The following ABI3BP variants were observed in gnomAD, a reference collection of about 807,000 sequenced individuals.
ABI3BP encodes the protein ABI family member 3 binding protein.
ABI3BP carries 216 observed loss-of-function variants against 268.6 expected under a neutral mutation model. That is an observed-to-expected ratio of 0.80 (90% confidence interval 0.72 to 0.90). The LOEUF (loss-of-function observed/expected upper bound fraction) is 0.90, where lower values mean the gene tolerates loss of function less well. Ranked by LOEUF, ABI3BP falls within the 40% of genes least tolerant of loss-of-function variation. The pLI, the probability that ABI3BP is intolerant of heterozygous loss-of-function variation, is 0.00. For missense variants in ABI3BP, 2,090 were observed against 2,182.4 expected, an observed-to-expected ratio of 0.96 and a Z score of 0.84; for synonymous variants, 730 against 730.0, an observed-to-expected ratio of 1.00 and a Z score of 0.00.
At chr3:100,838,644 A>G (rs2098643375) in intron 24 of ABI3BP, among the ~76,000 whole-genome samples, 180 bp from the exon 25 acceptor site, 1 of 152,196 alleles carries the variant, frequency 6.6e-6, no homozygotes, top group South Asian at 2.1e-4. Context: ...TAGTTTTTCC[A>G]GAAAGGAAAA....
chr3:100,867,967 C>A (rs1280026904), intron 9 of ABI3BP, among the ~76,000 whole-genome samples: 2 of 152,120 alleles, frequency 1.3e-5, no homozygotes, highest in Admixed American at 1.3e-4. Flanking sequence ...TGTTCCCCAG[C>A]GATTATGGTA....
At chr3:100,931,897 A>G (rs2063759772) in intron 1 of ABI3BP, among the ~76,000 whole-genome samples, 1 of 152,116 alleles carries the variant, frequency 6.6e-6, no homozygotes, top group South Asian at 2.1e-4. Flanking sequence ...CAAGTAGCCA[A>G]AGCAATTCTA....
chr3:100,820,645 A>C (rs1318142707), intron 39 of ABI3BP, among the ~76,000 whole-genome samples: 4 of 152,220 alleles, frequency 2.6e-5, no homozygotes, highest in Non-Finnish European at 5.9e-5. Context: ...ATTAATGAAA[A>C]TGTCAATCAG....
intron 24 of ABI3BP, 126 bp downstream of exon 24, chr3:100,839,443 G>T: frequency 2.0e-6 from 2 of 1,018,216 alleles, no homozygotes; most frequent in South Asian, 1.4e-5. Context: ...AGACAGGAAA[G>T]GTGAGGAAAA....
chr3:100,829,812 T>C, intron 32 of ABI3BP, 148 bp from the exon 33 acceptor site: 1 of 605,566 alleles, frequency 1.7e-6, no homozygotes, highest in South Asian at 2.2e-5. Context: ...TGTCTCTTTT[T>C]ATCATGTAGC....
Position 100,780,152 on chromosome 3 carries a change from G to A in ABI3BP, c.4220C>T (p.Thr1407Ile). 1.9e-6 allele frequency: 3 copies of A among 1,612,832 alleles called. No individual in the cohort carries two copies. The highest frequency in any genetic ancestry group is 1.1e-5 in the South Asian group (1 of 91,028). ...CTTACCTGGCTTTTTAGTGGGGTGG[G>A]TAGAGTCCACTGATACATTTCTATC... ...GADRNVSVDS[T>I]HPTKKPGTRR... Residue 1407 changes from threonine (T) to isoleucine (I), a missense_variant, in exon 58 of 68, where the codon ACC becomes ATC. Coordinates refer to ENST00000471714, the MANE Select transcript of ABI3BP (RefSeq NM_001375547.2).
intron 63 of ABI3BP, among the ~76,000 whole-genome samples, chr3:100,756,342 T>C (rs1576614892): frequency 1.3e-5 from 2 of 152,334 alleles, no homozygotes; most frequent in Admixed American, 1.3e-4. Flanking sequence ...CTGACCAACA[T>C]GGAGAAACCC....
At chr3:100,842,113 CTA>C in intron 20 of ABI3BP, 74 bp from the exon 21 acceptor site, 1 of 1,280,650 alleles carries the variant, frequency 7.8e-7, no homozygotes, top group South Asian at 1.3e-5. Flanking sequence ...ATGTTCTTGA[CTA>C]TAAACGGAGT....
At chr3:100,797,436 C>G (rs555786888) in intron 51 of ABI3BP, among the ~76,000 whole-genome samples, 12 of 152,084 alleles carry the variant, frequency 7.9e-5, no homozygotes, top group African/African-American at 1.7e-4. Flanking sequence ...TCCTACCACA[C>G]TAAACCTTTC....
chr3:100,976,347 T>C (rs377253991), intron 1 of ABI3BP, among the ~76,000 whole-genome samples: 3 of 152,122 alleles, frequency 2.0e-5, no homozygotes, highest in East Asian at 1.9e-4. Context: ...GGAAATGCCA[T>C]AAAATTGTGC....
At chr3:100,932,904 T>C (rs1413112793) in intron 1 of ABI3BP, among the ~76,000 whole-genome samples, 1 of 152,032 alleles carries the variant, frequency 6.6e-6, no homozygotes, top group Admixed American at 6.6e-5. Flanking sequence ...CCCTAACACA[T>C]GGTACTCAGT....
In ABI3BP at chr3:100,831,048, T is replaced by G. The variant is rs1398315067; in HGVS notation, c.2402-414A>C. On this transcript the variant is annotated intron_variant, in intron 31 of 67. Transcript: ENST00000471714. The stretch of plus-strand genomic sequence containing the variant: ...TCAATAATGATAGATAGAATAAACA[T>G]TTACATTTGAAAGCAAACACAGTGT... 2.6e-5 allele frequency among the ~76,000 whole-genome samples: 4 copies of G among 152,160 alleles called. No homozygotes were observed. The South Asian group carries it at 8.3e-4, about 32-fold the overall frequency.
Position 100,794,957 on chromosome 3 carries a change from T to C in ABI3BP, c.3912A>G (p.Pro1304=), listed in dbSNP as rs1397045505. Residue 1304 remains proline, a synonymous_variant, in exon 54 of 68, where the codon CCA becomes CCG. Transcript: ENST00000471714. ...TCTGTAGTTCCTCTTGACTAGGACT[T>C]GGGGAAATCATGGGTATAAAAGGGA... ...RGIPFIPMIS[P]SPSQEELQTT... is the part of the protein sequence containing the mutation. 2.5e-6 allele frequency: 4 copies of C among 1,571,632 alleles called. No homozygotes were observed. Among genetic ancestry groups the C allele is most frequent in the Admixed American group, 3.7e-5 (2 of 53,720 alleles).
intron 62 of ABI3BP, among the ~76,000 whole-genome samples, chr3:100,768,080 C>A (rs1319172279): frequency 2.2e-5 from 3 of 135,176 alleles, no homozygotes; most frequent in Non-Finnish European, 4.8e-5. Flanking sequence ...CCATTTGGCT[C>A]AAGTTTTTTT....
Position 100,755,857 on chromosome 3 carries a change from C to T in ABI3BP, c.4851-1166G>A, listed in dbSNP as rs566831920. ...CTCAAGGCTTTTGGGAGATAAATTT[C>T]GTCTTTGAGAAGTTTATAATTAAAT... is the stretch of plus-strand genomic sequence containing the variant. On this transcript the variant is annotated intron_variant, in intron 63 of 67. Coordinates refer to ENST00000471714, the MANE Select transcript of ABI3BP (RefSeq NM_001375547.2). 6.0e-4 allele frequency among the ~76,000 whole-genome samples: 92 copies of T among 152,210 alleles called. 1 individual carries two copies. The South Asian group carries it at 0.017, about 29-fold the overall frequency.
At chr3:100,969,208 A>G (rs1035286721) in intron 1 of ABI3BP, among the ~76,000 whole-genome samples, 1 of 152,250 alleles carries the variant, frequency 6.6e-6, no homozygotes, top group Non-Finnish European at 1.5e-5. Context: ...CAATTCCCAA[A>G]GTGATCTTAC....
chr3:100,827,212 C>T (rs1021561936), intron 34 of ABI3BP, among the ~76,000 whole-genome samples: 4 of 152,192 alleles, frequency 2.6e-5, no homozygotes, highest in Middle Eastern at 3.4e-3. Flanking sequence ...AGGCTTTTCG[C>T]GTGGGAAGTT....
At chr3:100,922,575 G>A (rs1583493323) in intron 2 of ABI3BP, among the ~76,000 whole-genome samples, 3 of 151,738 alleles carry the variant, frequency 2.0e-5, no homozygotes, top group Admixed American at 2.0e-4. Flanking sequence ...CGATGGCGAT[G>A]GTGATGGTGA....
chr3:100,825,251 G>A (rs2098353815), intron 35 of ABI3BP, among the ~76,000 whole-genome samples: 1 of 152,086 alleles, frequency 6.6e-6, no homozygotes, highest in Admixed American at 6.6e-5. Context: ...GGGATAGGAA[G>A]TTAGAGTCAC....
Sources: gnomAD v4.1 joint callset for allele counts (sites outside exome capture counted in the v4.1 genomes callset) on GRCh38, gnomAD v4.1.1 for gene constraint, MANE v1.5 for transcripts, NCBI Gene and HGNC (gene_info 2026-07-23, HGNC 2026-07-21) for gene names.